The following B3GLCT variants were observed in gnomAD, a reference collection of about 807,000 sequenced individuals.
B3GLCT encodes beta 3-glucosyltransferase, also known as beta-1,3-glucosyltransferase.
B3GLCT carries 65 observed loss-of-function variants against 63.4 expected under a neutral mutation model. The ratio of observed to expected loss-of-function variants is 1.03; its 90% CI spans 0.84 to 1.26. The LOEUF (loss-of-function observed/expected upper bound fraction) is 1.26, where lower values mean the gene tolerates loss of function less well. Ranked by LOEUF, B3GLCT falls within the 50% of genes most tolerant of loss-of-function variation. The probability of loss-of-function intolerance (pLI) is 0.00; values close to 1 mark genes in which losing one functional copy is unlikely to be tolerated. For synonymous variants in B3GLCT, 233 were observed against 219.2 expected (o/e 1.06, Z -0.55); for missense variants, 577 against 604.8 (o/e 0.95, Z 0.48).
intron 1 of B3GLCT, among the ~76,000 whole-genome samples, chr13:31,204,141 G>A (rs1868818856): frequency 6.6e-6 from 1 of 152,220 alleles, no homozygotes; most frequent in South Asian, 2.1e-4. Context: ...TGTTCAGGAT[G>A]CTGTGAGAAC....
Position 31,243,418 on chromosome 13 carries a change from C to A in B3GLCT, c.271-3605C>A, listed in dbSNP as rs1460302682. Among the ~76,000 whole-genome samples, 4 of 152,172 alleles carry A rather than the reference C, an allele frequency of 2.6e-5. No individual in the cohort carries two copies. In the East Asian group the frequency reaches 7.7e-4, roughly 29 times the overall value. ...AAACTAAAATGGTTCAAAACCAAAT[C>A]TGCTGAATAATTAAGGTTATTTATG... On this transcript the variant is annotated intron_variant, in intron 4 of 14. Transcript: ENST00000343307.
chr13:31,239,853 G>C (rs1555727), intron 4 of B3GLCT, among the ~76,000 whole-genome samples: 135,915 of 152,192 alleles, frequency 0.89, 61,092 homozygotes, highest in Middle Eastern at 0.96. Flanking sequence ...AAGGAGAGAA[G>C]ATAAAGCATA....
rs114473476 is a variant in B3GLCT at position 31,302,314 on chromosome 13, C to T, written c.1065-15252C>T. ...ATCCCAGTTATCATAAAGCTAGTCC[C>T]GGGGAGGAGCCAAGATGGCCGAATA... is the stretch of plus-strand genomic sequence containing the variant. On this transcript the variant is annotated intron_variant, in intron 12 of 14. Transcript: ENST00000343307. Among the ~76,000 whole-genome samples, 107 of 152,160 alleles carry T rather than the reference C, an allele frequency of 7.0e-4. 1 individual carries two copies. Among genetic ancestry groups the T allele is most frequent in the African/African-American group, 2.3e-3 (96 of 41,518 alleles).
At chr13:31,312,964 G>C (rs961320924) in intron 12 of B3GLCT, 2 of 152,196 alleles carry the variant, frequency 1.3e-5, no homozygotes, top group Admixed American at 6.5e-5. Context: ...ACATTTTCTA[G>C]TCACTCAGAA....
chr13:31,324,722 T>G (rs757078953), intron 14 of B3GLCT, among the ~76,000 whole-genome samples: 3 of 152,150 alleles, frequency 2.0e-5, no homozygotes, highest in Non-Finnish European at 4.4e-5. Flanking sequence ...CCTTATTTAT[T>G]TATTTTTATT....
chr13:31,317,841 A>C (rs2137936431), intron 13 of B3GLCT, among the ~76,000 whole-genome samples, 156 bp downstream of exon 13: 1 of 149,584 alleles, frequency 6.7e-6, no homozygotes, highest in Non-Finnish European at 1.5e-5. Flanking sequence ...TATTTGCTAA[A>C]TATTAAAAGA....
chr13:31,302,243 C>A (rs1371747929), intron 12 of B3GLCT, among the ~76,000 whole-genome samples: 1 of 152,224 alleles, frequency 6.6e-6, no homozygotes, highest in Non-Finnish European at 1.5e-5. Context: ...CCTTTAACAA[C>A]AACATGTACC....
intron 12 of B3GLCT, among the ~76,000 whole-genome samples, chr13:31,302,663 C>T (rs1174042315): frequency 3.1e-5 from 1 of 31,968 alleles, no homozygotes; most frequent in African/African-American, 8.9e-5. Flanking sequence ...CCACACCTGG[C>T]TCAGAGGGTC....
intron 13 of B3GLCT, among the ~76,000 whole-genome samples, chr13:31,321,969 G>A (rs1017519988): frequency 6.6e-5 from 10 of 152,156 alleles, no homozygotes; most frequent in Non-Finnish European, 1.0e-4. Context: ...TGTCCAGTGT[G>A]TAGTCTTTTA....
At chr13:31,215,402 T>G (rs2137746987) in intron 2 of B3GLCT, among the ~76,000 whole-genome samples, 1 of 152,272 alleles carries the variant, frequency 6.6e-6, no homozygotes, top group South Asian at 2.1e-4. Context: ...TTCCCCAGTC[T>G]TACCAAATAC....
intron 12 of B3GLCT, among the ~76,000 whole-genome samples, chr13:31,295,128 G>C (rs1873868049): frequency 6.6e-6 from 1 of 152,108 alleles, no homozygotes; most frequent in Non-Finnish European, 1.5e-5. Flanking sequence ...CATCTGCCTG[G>C]GTATTACCAG....
chr13:31,262,261 T>C (rs1872070042), intron 7 of B3GLCT, among the ~76,000 whole-genome samples: 1 of 152,250 alleles, frequency 6.6e-6, no homozygotes, highest in South Asian at 2.1e-4. Flanking sequence ...GCCATCTATA[T>C]GCTTTAATAA....
intron 3 of B3GLCT, among the ~76,000 whole-genome samples, chr13:31,227,616 C>G (rs1870165065): frequency 6.6e-6 from 1 of 152,088 alleles, no homozygotes; most frequent in South Asian, 2.1e-4. Flanking sequence ...TCAGCATTTC[C>G]TTTTACATAT....
intron 14 of B3GLCT, 151 bp from the exon 15 acceptor site, chr13:31,329,350 T>A (rs1175267868): frequency 7.2e-6 from 6 of 829,460 alleles, no homozygotes; most frequent in Non-Finnish European, 1.2e-5. Context: ...AGAAGAAAGA[T>A]ATCAGAAAAT....
chr13:31,300,859 C>G (rs1248995784), intron 12 of B3GLCT, among the ~76,000 whole-genome samples: 1 of 152,112 alleles, frequency 6.6e-6, no homozygotes, highest in Non-Finnish European at 1.5e-5. Context: ...AAGTTCAGGC[C>G]CCTCCCCTGA....
At chr13:31,318,735 G>C (rs1875184922) in intron 13 of B3GLCT, among the ~76,000 whole-genome samples, 1 of 152,158 alleles carries the variant, frequency 6.6e-6, no homozygotes, top group African/African-American at 2.4e-5. Flanking sequence ...CGGGCTTTCT[G>C]GGTGAAGAGT....
intron 12 of B3GLCT, among the ~76,000 whole-genome samples, chr13:31,289,838 T>TAAA (rs1244734233): frequency 2.0e-5 from 3 of 152,130 alleles, no homozygotes; most frequent in Non-Finnish European, 4.4e-5. Flanking sequence ...TTTATTGTTT[T>TAAA]ATCTGACATT....
At chr13:31,246,611 A>G (rs113948282) in intron 4 of B3GLCT, among the ~76,000 whole-genome samples, 6 of 152,316 alleles carry the variant, frequency 3.9e-5, no homozygotes, top group African/African-American at 1.4e-4. Flanking sequence ...TCATTTTCAC[A>G]TGTTCCATAT....
intron 3 of B3GLCT, among the ~76,000 whole-genome samples, chr13:31,223,839 T>C (rs1258222287): frequency 6.6e-6 from 1 of 152,136 alleles, no homozygotes; most frequent in Non-Finnish European, 1.5e-5. Flanking sequence ...ATGCGGTCCA[T>C]GGGAGAAGTC....
Sources: allele counts gnomAD v4.1 joint callset (sites outside exome capture counted in the v4.1 genomes callset), GRCh38; gene constraint gnomAD v4.1.1; transcripts MANE v1.5; gene names NCBI Gene and HGNC (gene_info 2026-07-23, HGNC 2026-07-21).